Variants in ZNF277 observed in about 807,000 individuals in gnomAD.
ZNF277 encodes nuclear receptor-interacting factor 4.
In ZNF277, 55 loss-of-function variants were observed where a neutral mutation model predicts 60.7. The observed-to-expected ratio is 0.91, with a 90% CI of 0.73 to 1.13. The LOEUF is 1.13. Among genes scored for constraint, ZNF277 ranks in the 50% most tolerant of loss-of-function variants. The probability of loss-of-function intolerance (pLI) is 0.00; values close to 1 mark genes in which losing one functional copy is unlikely to be tolerated. For missense variants in ZNF277, 510 were observed against 523.0 expected (o/e 0.98, Z 0.24); for synonymous variants, 178 against 179.3 (o/e 0.99, Z 0.06).
chr7:112,255,450 T>C (rs1031065854), intron 1 of ZNF277, among the ~76,000 whole-genome samples: 1 of 152,194 alleles, frequency 6.6e-6, no homozygotes, highest in African/African-American at 2.4e-5. Flanking sequence ...ACCACCTCTA[T>C]GCTAGGATGT....
intron 1 of ZNF277, among the ~76,000 whole-genome samples, chr7:112,261,318 CA>C (rs1791434053): frequency 6.6e-6 from 1 of 152,128 alleles, no homozygotes; most frequent in Non-Finnish European, 1.5e-5. Flanking sequence ...TTCTAAAGTC[CA>C]TTTTACCTAA....
intron 1 of ZNF277, among the ~76,000 whole-genome samples, chr7:112,249,897 A>T (rs1791164250): frequency 1.3e-5 from 2 of 152,170 alleles, no homozygotes; most frequent in Non-Finnish European, 2.9e-5. Context: ...TAATTTCATT[A>T]ACTGCACAAA....
At chr7:112,305,046 C>A (rs1307178761) in intron 4 of ZNF277, among the ~76,000 whole-genome samples, 1 of 152,066 alleles carries the variant, frequency 6.6e-6, no homozygotes, top group African/African-American at 2.4e-5. Context: ...AAGCTGTTTC[C>A]AGCTTTAAGG....
At chr7:112,241,903 T>C (rs150178862) in intron 1 of ZNF277, among the ~76,000 whole-genome samples, 112 of 152,078 alleles carry the variant, frequency 7.4e-4, no homozygotes, top group African/African-American at 2.6e-3. Flanking sequence ...TACAAAAATA[T>C]AGTCAGATAG....
chr7:112,331,068 A>G (rs974044991), intron 7 of ZNF277, among the ~76,000 whole-genome samples: 9 of 152,130 alleles, frequency 5.9e-5, no homozygotes, highest in Non-Finnish European at 1.2e-4. Context: ...AAACCAAACC[A>G]TTTTACTATG....
chr7:112,309,156 G>T (rs926123268), intron 4 of ZNF277, among the ~76,000 whole-genome samples: 1 of 151,830 alleles, frequency 6.6e-6, no homozygotes, highest in Non-Finnish European at 1.5e-5. Flanking sequence ...ATTTTGGGGT[G>T]GCATGTTCTG....
chr7:112,237,232 T>C (rs1038191889), intron 1 of ZNF277, among the ~76,000 whole-genome samples: 1 of 151,968 alleles, frequency 6.6e-6, no homozygotes, highest in African/African-American at 2.4e-5. Flanking sequence ...AAAGCAGCGC[T>C]AAGAAGAAAG....
At chr7:112,206,861 G>C in intron 1 of ZNF277, 54 bp downstream of exon 1, 2 of 1,569,024 alleles carry the variant, frequency 1.3e-6, no homozygotes, top group Admixed American at 1.7e-5. Flanking sequence ...CTCTATGACC[G>C]GGTGTGCAAC....
At chr7:112,271,828 G>A (rs902974166) in intron 1 of ZNF277, among the ~76,000 whole-genome samples, 3 of 151,898 alleles carry the variant, frequency 2.0e-5, no homozygotes, top group Non-Finnish European at 4.4e-5. Flanking sequence ...CATACTAGGT[G>A]TAGGTATTTA....
At chr7:112,238,659 G>A (rs1790866643) in intron 1 of ZNF277, among the ~76,000 whole-genome samples, 1 of 151,836 alleles carries the variant, frequency 6.6e-6, no homozygotes, top group Non-Finnish European at 1.5e-5. Flanking sequence ...TCCTTGGTCT[G>A]AGGAGAGAAG....
At chr7:112,334,947 A>G (rs1793301912) in intron 7 of ZNF277, among the ~76,000 whole-genome samples, 1 of 152,196 alleles carries the variant, frequency 6.6e-6, no homozygotes, top group Admixed American at 6.5e-5. Context: ...TACATTATAG[A>G]GTCCAAATTA....
intron 1 of ZNF277, among the ~76,000 whole-genome samples, chr7:112,229,604 G>GA (rs1040660568): frequency 2.0e-5 from 3 of 152,036 alleles, no homozygotes; most frequent in African/African-American, 4.8e-5. Flanking sequence ...GTTTTCCCTA[G>GA]AAAAAAATGA....
At position 112,343,750 on chromosome 7, in the gene ZNF277, A is replaced by T. The variant is rs1793486789; in HGVS notation, c.*1021A>T. On this transcript the variant is annotated 3_prime_UTR_variant, in exon 12 of 12. Coordinates refer to ENST00000361822, the MANE Select transcript of ZNF277 (RefSeq NM_021994.3). Reference sequence around the variant, plus strand: ...AGATCAGCCTGGCCAACGTGGCAAAACCCCATCTCTACGAAAAATACACAG... The same window carrying T: ...AGATCAGCCTGGCCAACGTGGCAAATCCCCATCTCTACGAAAAATACACAG... Among the ~76,000 whole-genome samples the T allele has an allele frequency of 6.6e-6, 1 of 151,864 alleles. No homozygotes were observed. The highest frequency in any genetic ancestry group is 2.4e-5 in the African/African-American group (1 of 41,306).
At chr7:112,335,988 A>G (rs1376836345) in intron 7 of ZNF277, 116 bp from the exon 8 acceptor site, 2 of 741,790 alleles carry the variant, frequency 2.7e-6, no homozygotes, top group Non-Finnish European at 4.3e-6. Flanking sequence ...TTTCAAAACC[A>G]TTTAAACATG....
intron 1 of ZNF277, among the ~76,000 whole-genome samples, chr7:112,225,564 A>G (rs937216042): frequency 6.6e-6 from 1 of 152,158 alleles, no homozygotes; most frequent in African/African-American, 2.4e-5. Context: ...CAGTAGTTAT[A>G]GTTGTTTCTA....
intron 1 of ZNF277, among the ~76,000 whole-genome samples, chr7:112,268,796 A>G (rs944795794): frequency 5.9e-5 from 9 of 152,064 alleles, no homozygotes; most frequent in African/African-American, 2.2e-4. Flanking sequence ...AAGATTACTG[A>G]TTATCTGTTT....
chr7:112,312,035 A>C (rs1221297594), intron 4 of ZNF277, among the ~76,000 whole-genome samples: 5 of 152,126 alleles, frequency 3.3e-5, no homozygotes, highest in African/African-American at 4.8e-5. Context: ...AACTCCATTC[A>C]ACAGTTATTG....
In ZNF277 at chr7:112,263,404, C is replaced by T. The variant is rs183445920; in HGVS notation, c.92-23469C>T. 8.7e-4 allele frequency among the ~76,000 whole-genome samples: 132 copies of T among 152,314 alleles called. 1 individual carries two copies. The highest frequency in any genetic ancestry group is 2.9e-3 in the African/African-American group (122 of 41,564). ...AGTTTAAAACTGTTTATGATTCTTA[C>T]TACTTAACAATAATAAAACTGCCTT... On this transcript the variant is annotated intron_variant, in intron 1 of 11. Transcript: ENST00000361822.
intron 1 of ZNF277, among the ~76,000 whole-genome samples, chr7:112,269,613 T>C (rs1463767865): frequency 1.3e-5 from 2 of 152,124 alleles, no homozygotes; most frequent in African/African-American, 4.8e-5. Flanking sequence ...CTTGTAGCAC[T>C]TCACTAAAGA....
Sources: gnomAD v4.1 joint callset for allele counts (sites outside exome capture counted in the v4.1 genomes callset) on GRCh38, gnomAD v4.1.1 for gene constraint, MANE v1.5 for transcripts, NCBI Gene and HGNC (gene_info 2026-07-23, HGNC 2026-07-21) for gene names.